ADAMTS8: variants seen among roughly 807,000 people sequenced by gnomAD.
The protein encoded by ADAMTS8 is ADAM metallopeptidase with thrombospondin type 1 motif 8.
ADAMTS8 carries 50 observed loss-of-function variants against 64.4 expected under a neutral mutation model. The ratio of observed to expected loss-of-function variants is 0.78; its 90% CI spans 0.62 to 0.98. The LOEUF is 0.98. ADAMTS8 is among the 50% of genes least tolerant of loss of function. ADAMTS8 has a pLI of 0.00. For missense variants in ADAMTS8, 1,192 were observed against 1,208.2 expected, an observed-to-expected ratio of 0.99 and a Z score of 0.20; for synonymous variants, 556 against 533.6, an observed-to-expected ratio of 1.04 and a Z score of -0.58.
In ADAMTS8 at chr11:130,405,703, G is replaced by C. The variant is rs187157580; in HGVS notation, c.2525C>G (p.Ser842Cys). The C allele has an allele frequency of 2.5e-6, 4 of 1,614,130 alleles. No homozygotes were observed. The highest frequency in any genetic ancestry group is 3.4e-6 in the Non-Finnish European group (4 of 1,179,988). The change falls in exon 9 of 9, where the codon TCT becomes TGT. Residue 842 changes from serine to cysteine, a missense_variant. By Grantham distance (112) the Ser-to-Cys change is moderately radical (BLOSUM62 -1). Coordinates refer to ENST00000257359, the MANE Select transcript of ADAMTS8 (RefSeq NM_007037.6). The stretch of plus-strand genomic sequence containing the variant: ...GGCCCCGCAGGTGCTAGAGCACTCA[G>C]ACCAGTCCCCCAGCACCCACTGTGC... ...LHAQWVLGDW[S>C]ECSSTCGAGW...
At chr11:130,414,124 T>C (rs1329537469) in intron 5 of ADAMTS8, among the ~76,000 whole-genome samples, 1 of 101,796 alleles carries the variant, frequency 9.8e-6, no homozygotes, top group Non-Finnish European at 1.7e-5. Flanking sequence ...TTTCTTTTCT[T>C]TTTTTTTTTT....
intron 1 of ADAMTS8, among the ~76,000 whole-genome samples, chr11:130,420,894 C>T (rs533590732): frequency 3.9e-5 from 6 of 152,128 alleles, no homozygotes; most frequent in Non-Finnish European, 7.4e-5. Context: ...GGTGGCTTGC[C>T]GAGATGAACT....
At chr11:130,408,983 AAGCAG>A (rs779484078) in intron 6 of ADAMTS8, 43 bp from the exon 7 acceptor site, 1 of 1,502,444 alleles carries the variant, frequency 6.7e-7, no homozygotes, top group South Asian at 1.4e-5. Flanking sequence ...ACCCATGCGG[AAGCAG>A]GAGCATCCGG....
Position 130,427,678 on chromosome 11 carries a change from C to T in ADAMTS8, c.609G>A (p.Pro203=). The change falls in exon 1 of 9, where the codon CCG becomes CCA. Residue 203 remains proline, a synonymous_variant. Transcript: ENST00000257359. ...TGGTCCTACTCGTGGCCCCCAGGGG[C>T]GGTGGCGGCTCGCTAGCGCCTTCTG... The part of the protein sequence containing the change: ...EEAEGASEPP[P]PLGATSRTKR... 2.5e-6 allele frequency: 4 copies of T among 1,596,990 alleles called. No homozygotes were observed. Among genetic ancestry groups the T allele is most frequent in the Non-Finnish European group, 2.6e-6 (3 of 1,173,352 alleles).
intron 1 of ADAMTS8, among the ~76,000 whole-genome samples, chr11:130,426,137 C>T (rs1862163849): frequency 6.6e-6 from 1 of 152,204 alleles, no homozygotes; most frequent in Admixed American, 6.5e-5. Flanking sequence ...GAAGCAAATA[C>T]CACAAGGGCT....
At chr11:130,420,626 G>A (rs552121963) in intron 1 of ADAMTS8, among the ~76,000 whole-genome samples, 4 of 152,258 alleles carry the variant, frequency 2.6e-5, no homozygotes, top group African/African-American at 9.6e-5. Flanking sequence ...GAGGCCATGT[G>A]TGGGCGTTCC....
intron 1 of ADAMTS8, 50 bp downstream of exon 1, chr11:130,427,517 C>A: frequency 7.6e-7 from 1 of 1,315,030 alleles, no homozygotes; most frequent in Non-Finnish European, 9.9e-7. Context: ...CGCTGGGAGG[C>A]GTCTGGGGGG....
At chr11:130,417,171 G>A in intron 2 of ADAMTS8, 96 bp from the exon 3 acceptor site, 3 of 1,520,194 alleles carry the variant, frequency 2.0e-6, no homozygotes, top group Non-Finnish European at 1.8e-6. Context: ...GCACGTGGGA[G>A]TGGACCACTG....
At position 130,416,697 on chromosome 11, in the gene ADAMTS8, G is replaced by A. The variant is rs953025215; in HGVS notation, c.1096+243C>T. On this transcript the variant is annotated intron_variant, in intron 3 of 8. Transcript: ENST00000257359. The surrounding 1 kb of genome is among the most constrained non-coding windows in gnomAD (Gnocchi z 4.8). ...GTGTCCTGTGTCCTGGCATTTGCCC[G>A]GTGACCTGTGATAATCGTGTGGGAT... Among the ~76,000 whole-genome samples, 2 of 152,158 alleles carry A rather than the reference G, an allele frequency of 1.3e-5. No individual in the cohort carries two copies. Among genetic ancestry groups the A allele is most frequent in the Non-Finnish European group, 2.9e-5 (2 of 68,016 alleles).
Position 130,408,896 on chromosome 11 carries a change from T to A in ADAMTS8, c.1795A>T (p.Asn599Tyr), listed in dbSNP as rs777769453. The A allele has an allele frequency of 1.6e-5, 26 of 1,602,370 alleles. No homozygotes were observed. In the Admixed American group the frequency reaches 4.4e-4, roughly 27 times the overall value. ...AGATTCCCGTCCATGTCAGTGTAAT[T>A]GTAGGCATTATACTTCTCACACTGC... ...EQQCEKYNAY[N>Y]YTDMDGNLLQ... Residue 599 changes from asparagine to tyrosine, a missense_variant, in exon 7 of 9, where the codon AAT becomes TAT. Around this residue, in one of 5 missense-constraint regions of ADAMTS8, gnomAD observed 290 missense variants for 297.8 expected, o/e 0.97. Transcript: ENST00000257359.
rs993350173 is a variant in ADAMTS8, at chr11:130,427,822, G to C, written c.465C>G (p.Pro155=). Residue 155 remains proline (P), a synonymous_variant, in exon 1 of 9, where the codon CCC becomes CCG. Coordinates refer to ENST00000257359, the MANE Select transcript of ADAMTS8 (RefSeq NM_007037.6). ...CTCGCGGGAGGGGGCGGGCTCCGGCGGGACCCCAGCGCTGCAGGCGGTGCG... is the reference window on the plus strand; with the variant it reads ...CTCGCGGGAGGGGGCGGGCTCCGGCCGGACCCCAGCGCTGCAGGCGGTGCG... ...AQPHRLQRWG[P]AGARPLPRGP... 55 of 1,556,576 alleles carry C rather than the reference G, an allele frequency of 3.5e-5. No homozygotes were observed. Among genetic ancestry groups the C allele is most frequent in the Non-Finnish European group, 4.8e-5 (55 of 1,153,782 alleles).
intron 6 of ADAMTS8, among the ~76,000 whole-genome samples, chr11:130,409,644 G>A (rs1861928816): frequency 6.6e-6 from 1 of 152,148 alleles, no homozygotes. Flanking sequence ...TAAAACGATG[G>A]CATCCCACTC....
rs1484223591 is a variant in ADAMTS8, at chr11:130,411,394, G to C, written c.1750+23C>G. On this transcript the variant is annotated intron_variant, in intron 6 of 8. Transcript: ENST00000257359. This position sits in a 1 kb window ranked among gnomAD's most constrained non-coding sequence, Gnocchi z 4.2. ...GCAATGATAGTAGCTGCTCTGGCAGGGGCGGCCCTGAGTGGTAATTACCGT... is the reference window on the plus strand; with the variant it reads ...GCAATGATAGTAGCTGCTCTGGCAGCGGCGGCCCTGAGTGGTAATTACCGT... 1 of 1,609,604 alleles carries C rather than the reference G, an allele frequency of 6.2e-7. No individual in the cohort carries two copies. Among genetic ancestry groups the C allele is most frequent in the Non-Finnish European group, 8.5e-7 (1 of 1,177,500 alleles).
rs1318931520 is a variant in ADAMTS8, at chr11:130,416,977, C to T, written c.1059G>A (p.Glu353=). The change falls in exon 3 of 9, where the codon GAG becomes GAA. Residue 353 remains glutamate, a synonymous_variant. Coordinates refer to ENST00000257359, the MANE Select transcript of ADAMTS8 (RefSeq NM_007037.6). This position sits in a 1 kb window ranked among gnomAD's most constrained non-coding sequence, Gnocchi z 4.8. ...PNKSCSVIED[E]GLQAAHTLAH... ...CCAGGGTGTGGGCCGCCTGGAGCCC[C>T]TCATCCTCGATCACGGAGCAGCTTT... 1 of 1,614,020 alleles carries T rather than the reference C, an allele frequency of 6.2e-7. No homozygotes were observed. Among genetic ancestry groups the T allele is most frequent in the Non-Finnish European group, 8.5e-7 (1 of 1,180,044 alleles).
chr11:130,410,176 C>CCTTT (rs1269819281), intron 6 of ADAMTS8, among the ~76,000 whole-genome samples: 1 of 152,196 alleles, frequency 6.6e-6, no homozygotes, highest in African/African-American at 2.4e-5. Context: ...CCCAGCCTTT[C>CCTTT]CTTTCTCCGA....
chr11:130,415,129 C>G (rs1862004964), intron 4 of ADAMTS8, among the ~76,000 whole-genome samples: 1 of 152,220 alleles, frequency 6.6e-6, no homozygotes, highest in Non-Finnish European at 1.5e-5. Flanking sequence ...ATATCACAAC[C>G]TAACCGTGCT....
rs1419292177 is a variant in ADAMTS8 at position 130,411,567 on chromosome 11, G to T, written c.1600C>A (p.Pro534Thr). 1 of 1,614,030 alleles carries T rather than the reference G, an allele frequency of 6.2e-7. No individual in the cohort carries two copies. Among genetic ancestry groups the T allele is most frequent in the South Asian group, 1.1e-5 (1 of 91,074 alleles). The change falls in exon 6 of 9, where the codon CCC (proline) becomes ACC (threonine). Residue 534 changes from proline to threonine, a missense_variant. Around this residue, in one of 5 missense-constraint regions of ADAMTS8, gnomAD observed 290 missense variants for 297.8 expected, o/e 0.97. Coordinates refer to ENST00000257359, the MANE Select transcript of ADAMTS8 (RefSeq NM_007037.6). The surrounding 1 kb of genome is among the most constrained non-coding windows in gnomAD (Gnocchi z 4.2). ...VADGGWAPWG[P>T]WGECSRTCGG... is the part of the protein sequence containing the mutation. ...CAGGTCCGAGAACATTCTCCCCAGGGTCCCCACGGTGCCCAGCCTCCATCT... is the reference window on the plus strand; with the variant it reads ...CAGGTCCGAGAACATTCTCCCCAGGTTCCCCACGGTGCCCAGCCTCCATCT...
intron 4 of ADAMTS8, among the ~76,000 whole-genome samples, chr11:130,415,795 C>A (rs902693084): frequency 6.6e-6 from 1 of 151,976 alleles, no homozygotes; most frequent in Non-Finnish European, 1.5e-5. Flanking sequence ...ACCAGCTCCC[C>A]GCCCTCTTGC....
intron 8 of ADAMTS8, among the ~76,000 whole-genome samples, chr11:130,407,658 G>A (rs980772018): frequency 6.6e-6 from 1 of 152,196 alleles, no homozygotes; most frequent in Non-Finnish European, 1.5e-5. Flanking sequence ...CAGGCAGAGT[G>A]TGGCCCATAT....
Sources: allele counts gnomAD v4.1 joint callset (sites outside exome capture counted in the v4.1 genomes callset), GRCh38; gene constraint gnomAD v4.1.1; regional missense constraint gnomAD v4.1.1; non-coding constraint Gnocchi (gnomAD v3.1); transcripts MANE v1.5; gene names NCBI Gene and HGNC (gene_info 2026-07-23, HGNC 2026-07-21).